TMEM106C: variants seen among roughly 807,000 people sequenced by gnomAD.
TMEM106C encodes transmembrane protein 106C, also known as endoplasmic reticulum membrane protein overexpressed in cancer.
In TMEM106C, 27 loss-of-function variants were observed where a neutral mutation model predicts 30.8. The observed-to-expected ratio is 0.88, with a 90% CI of 0.65 to 1.21. TMEM106C has a LOEUF of 1.21. Ranked by LOEUF, TMEM106C falls within the 50% of genes most tolerant of loss-of-function variation. The pLI, the probability that TMEM106C is intolerant of heterozygous loss-of-function variation, is 0.00. For missense variants in TMEM106C, 288 were observed against 307.8 expected, an observed-to-expected ratio of 0.94 and a Z score of 0.48; for synonymous variants, 123 against 118.8, an observed-to-expected ratio of 1.04 and a Z score of -0.23.
intron 7 of TMEM106C, 46 bp downstream of exon 7, chr12:47,967,307 C>T: frequency 1.2e-6 from 2 of 1,606,442 alleles, no homozygotes; most frequent in Admixed American, 3.3e-5. Context: ...GCCATGTGAG[C>T]CTACCACCTT....
intron 5 of TMEM106C, 84 bp downstream of exon 5, chr12:47,966,313 C>T (rs1260530359): frequency 6.7e-7 from 1 of 1,490,922 alleles, no homozygotes; most frequent in Non-Finnish European, 9.1e-7. Flanking sequence ...GTGTCACTTT[C>T]CTTTTTGTCT....
intron 7 of TMEM106C, among the ~76,000 whole-genome samples, chr12:47,967,547 C>T (rs921987688): frequency 2.6e-5 from 4 of 152,168 alleles, no homozygotes; most frequent in Non-Finnish European, 5.9e-5. Context: ...CAGTCATGAA[C>T]AGAAAAGCTT....
At chr12:47,964,826 A>C (rs1938166280) in intron 2 of TMEM106C, 1 of 287,752 alleles carries the variant, frequency 3.5e-6, no homozygotes, top group Admixed American at 4.9e-5. Context: ...TATCAGGTCA[A>C]GAGAGAGAGA....
At position 47,966,139 on chromosome 12, in the gene TMEM106C, C is replaced by G. The variant is rs762197770; in HGVS notation, c.462C>G (p.Ser154Arg). ...ACTTCTACACGGTGGCAGTGACCAGCCTGTCCAGCCAGATTCAGTACATGA... is the reference window on the plus strand; with the variant it reads ...ACTTCTACACGGTGGCAGTGACCAGGCTGTCCAGCCAGATTCAGTACATGA... ...NSNFYTVAVTSLSSQIQYMNT... is the reference protein window; with the variant it reads ...NSNFYTVAVTRLSSQIQYMNT... The change falls in exon 5 of 8, where the codon AGC becomes AGG. Residue 154 changes from serine (S) to arginine (R), a missense_variant. Ser to Arg is a moderately radical substitution (Grantham distance 110). Transcript: ENST00000429772. 1 of 1,614,182 alleles carries G rather than the reference C, an allele frequency of 6.2e-7. No individual in the cohort carries two copies. The highest frequency in any genetic ancestry group is 8.5e-7 in the Non-Finnish European group (1 of 1,180,024).
At chr12:47,964,707 C>G (rs1368173336) in intron 2 of TMEM106C, 1 of 434,164 alleles carries the variant, frequency 2.3e-6, no homozygotes, top group African/African-American at 2.0e-5. Flanking sequence ...AGGCACATTT[C>G]TTTATCGCTG....
chr12:47,966,600 C>T, intron 5 of TMEM106C, 83 bp from the exon 6 acceptor site: 1 of 1,467,478 alleles, frequency 6.8e-7, no homozygotes, highest in South Asian at 1.1e-5. Context: ...AAGAATGACC[C>T]AAGGTCTTTG....
intron 6 of TMEM106C, 99 bp downstream of exon 6, chr12:47,966,831 C>T: frequency 7.5e-7 from 1 of 1,337,350 alleles, no homozygotes; most frequent in Non-Finnish European, 1.1e-6. Flanking sequence ...TAGATCTCAG[C>T]TTTTGACTTA....
Position 47,964,476 on chromosome 12 carries a change from TCTC to T in TMEM106C, c.187+56_187+58del, listed in dbSNP as rs780842410. ...GAGAATCCCAAGGTACCCTCGGAGT[TCTC>T]CTGTCTGCCCAGACAACTTTTCTTC... On this transcript the variant is annotated intron_variant, in intron 2 of 7. Transcript: ENST00000429772. The T allele has an allele frequency of 2.5e-6, 4 of 1,580,516 alleles. No individual in the cohort carries two copies. In the East Asian group the frequency reaches 6.7e-5, roughly 27 times the overall value.
chr12:47,967,178 C>CT, intron 6 of TMEM106C, 30 bp from the exon 7 acceptor site: 1 of 1,572,924 alleles, frequency 6.4e-7, no homozygotes, highest in Non-Finnish European at 8.7e-7. Context: ...AAAAAAAAAA[C>CT]TGACTATTTC....
intron 2 of TMEM106C, among the ~76,000 whole-genome samples, chr12:47,965,034 A>G (rs1306641032): frequency 6.6e-6 from 1 of 152,240 alleles, no homozygotes; most frequent in Admixed American, 6.5e-5. Context: ...AAGCCCATGC[A>G]GTAAAGCCAG....
intron 7 of TMEM106C, among the ~76,000 whole-genome samples, chr12:47,967,916 C>T (rs1053642002): frequency 2.0e-5 from 3 of 152,090 alleles, no homozygotes; most frequent in Admixed American, 1.3e-4. Context: ...TAAAATCATT[C>T]TCGATTGAGA....
Position 47,965,172 on chromosome 12 carries a change from T to A in TMEM106C, c.188-110T>A, listed in dbSNP as rs552489868. The A allele has an allele frequency of 4.4e-3, 3,771 of 849,764 alleles. 32 individuals are homozygous for A. Among genetic ancestry groups the A allele is most frequent in the Non-Finnish European group, 4.5e-3 (2,406 of 536,004 alleles). The allele number at this position is 849,764 out of a possible 1,614,324, so 52.6% of individuals were successfully genotyped here. A position where few individuals can be genotyped will look rare whatever the true frequency, so the allele number is the denominator to read the frequency against. Reference sequence around the variant, plus strand: ...ACATGTGAATTTCACTAGTATTTTTTAAAATGTCTCATTCCAGAAGAATAT... The same window carrying A: ...ACATGTGAATTTCACTAGTATTTTTAAAAATGTCTCATTCCAGAAGAATAT... On this transcript the variant is annotated intron_variant, in intron 2 of 7. Coordinates refer to ENST00000429772, the MANE Select transcript of TMEM106C (RefSeq NM_001143842.2).
chr12:47,967,335 T>TG, intron 7 of TMEM106C, 74 bp downstream of exon 7: 1 of 1,524,824 alleles, frequency 6.6e-7, no homozygotes, highest in Non-Finnish European at 9.1e-7. Flanking sequence ...GAGGCCCCTG[T>TG]GTGACCACAG....
Position 47,968,517 on chromosome 12 carries a change from A to G in TMEM106C, c.*288A>G, listed in dbSNP as rs941128262. The stretch of plus-strand genomic sequence containing the variant: ...AGATCTTTTCAGCTGTTCTTAGGGC[A>G]TTATAAATGGAAATCATAACGTGGT... On this transcript the variant is annotated 3_prime_UTR_variant, in exon 8 of 8. Transcript: ENST00000429772. 1 of 426,904 alleles carries G rather than the reference A, an allele frequency of 2.3e-6. No individual in the cohort carries two copies. Among genetic ancestry groups the G allele is most frequent in the Admixed American group, 3.2e-5 (1 of 30,896 alleles). 26.4% of individuals were successfully genotyped at this position (426,904 alleles called of 1,614,324 possible). A position where few individuals can be genotyped will look rare whatever the true frequency, so the allele number is the denominator to read the frequency against.
chr12:47,968,263 A>G lies in TMEM106C; in HGVS notation c.*34A>G. The G allele has an allele frequency of 6.6e-7, 1 of 1,507,118 alleles. No homozygotes were observed. Among genetic ancestry groups the G allele is most frequent in the Non-Finnish European group, 9.2e-7 (1 of 1,084,458 alleles). 93.4% of individuals were successfully genotyped at this position (1,507,118 alleles called of 1,614,324 possible). On this transcript the variant is annotated 3_prime_UTR_variant, in exon 8 of 8. Transcript: ENST00000429772. ...ATTGGTTCTTCCACACAGCGCCTGT[A>G]GAAGAGAGCACAGCATATGTTCCCA...
Position 47,966,214 on chromosome 12 carries a change from T to C in TMEM106C, c.537T>C (p.Pro179=). 1 of 1,614,028 alleles carries C rather than the reference T, an allele frequency of 6.2e-7. No homozygotes were observed. The highest frequency in any genetic ancestry group is 8.5e-7 in the Non-Finnish European group (1 of 1,180,026). Residue 179 remains proline (P), a synonymous_variant, in exon 5 of 8, where the codon CCT becomes CCC. Coordinates refer to ENST00000429772, the MANE Select transcript of TMEM106C (RefSeq NM_001143842.2). Reference sequence around the variant, plus strand: ...CTACTAACGTCTCCCTTATTCCACCTCGGAGTGAGCAACTGGTATGCTGTT... The same window carrying C: ...CTACTAACGTCTCCCTTATTCCACCCCGGAGTGAGCAACTGGTATGCTGTT... ...YVTTNVSLIP[P]RSEQLVNFTG...
At chr12:47,966,525 G>C in intron 5 of TMEM106C, 158 bp from the exon 6 acceptor site, 1 of 807,746 alleles carries the variant, frequency 1.2e-6, no homozygotes, top group Non-Finnish European at 2.0e-6. Context: ...GAGGTTGGCA[G>C]TATCAATTAG....
In TMEM106C at chr12:47,964,380, C is replaced by T; in HGVS notation, c.144C>T (p.Ser48=). ...FPYVEFTGRD[S]ITCLTCQGTG... is the part of the protein sequence containing the mutation. ...ATGTGGAATTCACCGGGAGAGATAGCATCACCTGTCTCACGTGCCAGGGGA... is the reference window on the plus strand; with the variant it reads ...ATGTGGAATTCACCGGGAGAGATAGTATCACCTGTCTCACGTGCCAGGGGA... Residue 48 remains serine (S), a synonymous_variant, in exon 2 of 8, where the codon AGC becomes AGT. Coordinates refer to ENST00000429772, the MANE Select transcript of TMEM106C (RefSeq NM_001143842.2). The T allele has an allele frequency of 6.2e-7, 1 of 1,614,166 alleles. No individual in the cohort carries two copies. The highest frequency in any genetic ancestry group is 8.5e-7 in the Non-Finnish European group (1 of 1,180,030).
At chr12:47,964,097 C>A in intron 1 of TMEM106C, 112 bp from the exon 2 acceptor site, 1 of 840,284 alleles carries the variant, frequency 1.2e-6, no homozygotes, top group Non-Finnish European at 1.9e-6. Flanking sequence ...GTTGGGACCA[C>A]ACTCAGGGCG....
Sources: allele counts gnomAD v4.1 joint callset (sites outside exome capture counted in the v4.1 genomes callset), GRCh38; gene constraint gnomAD v4.1.1; transcripts MANE v1.5; gene names NCBI Gene and HGNC (gene_info 2026-07-23, HGNC 2026-07-21).